FHIT: variants seen among roughly 807,000 people sequenced by gnomAD.
The protein encoded by FHIT is bis(5'-adenosyl)-triphosphatase.
Under a neutral mutation model 17.9 loss-of-function variants are expected in FHIT, and 19 were observed. The observed-to-expected ratio is 1.06, with a 90% confidence interval of 0.74 to 1.56. The LOEUF (loss-of-function observed/expected upper bound fraction) is 1.56. Ranked by LOEUF, FHIT falls within the 40% of genes most tolerant of loss-of-function variation. The probability of loss-of-function intolerance (pLI) is 0.00; values close to 1 mark genes in which losing one functional copy is unlikely to be tolerated. For missense variants in FHIT, 248 were observed against 189.2 expected (o/e 1.31, Z -1.82); for synonymous variants, 81 against 69.7 (o/e 1.16, Z -0.81).
At chr3:60,454,086 T>C (rs1266047684) in intron 5 of FHIT, among the ~76,000 whole-genome samples, 2 of 152,208 alleles carry the variant, frequency 1.3e-5, no homozygotes, top group Non-Finnish European at 2.9e-5. Flanking sequence ...ATGCTGATGA[T>C]GATCATTAAT....
intron 5 of FHIT, among the ~76,000 whole-genome samples, chr3:60,103,648 T>C (rs577792469): frequency 7.9e-5 from 12 of 152,294 alleles, no homozygotes; most frequent in Admixed American, 7.2e-4. Flanking sequence ...CTCTTACCCT[T>C]GTACGGAGAA....
chr3:60,008,772 TG>T (rs1700017502), intron 7 of FHIT, among the ~76,000 whole-genome samples: 1 of 152,224 alleles, frequency 6.6e-6, no homozygotes, highest in Non-Finnish European at 1.5e-5. Context: ...AGGCTTGAAT[TG>T]TAGTATTCAC....
chr3:60,836,777 T>C (rs1169571338), intron 3 of FHIT, among the ~76,000 whole-genome samples: 1 of 152,074 alleles, frequency 6.6e-6, no homozygotes, highest in African/African-American at 2.4e-5. Flanking sequence ...TCACTTTGAT[T>C]TTGGGGGAAG....
At chr3:59,932,058 G>C (rs1174555417) in intron 7 of FHIT, among the ~76,000 whole-genome samples, 1 of 151,890 alleles carries the variant, frequency 6.6e-6, no homozygotes, top group Non-Finnish European at 1.5e-5. Flanking sequence ...TTTTCCTTTT[G>C]GCTTTGAGCT....
At chr3:60,449,846 T>C (rs1199621931) in intron 5 of FHIT, among the ~76,000 whole-genome samples, 1 of 151,080 alleles carries the variant, frequency 6.6e-6, no homozygotes, top group South Asian at 2.1e-4. Context: ...CTACTAAAAA[T>C]ACGAAAATTA....
intron 5 of FHIT, among the ~76,000 whole-genome samples, chr3:60,234,520 T>C (rs1270066666): frequency 6.6e-6 from 1 of 152,238 alleles, no homozygotes; most frequent in Non-Finnish European, 1.5e-5. Context: ...TATGACAGTT[T>C]ATGATTGCTA....
chr3:59,834,441 A>G (rs1701271383), intron 8 of FHIT, among the ~76,000 whole-genome samples: 1 of 152,190 alleles, frequency 6.6e-6, no homozygotes, highest in Non-Finnish European at 1.5e-5. Flanking sequence ...AGAGACAGAC[A>G]GACACTTTGG....
intron 3 of FHIT, among the ~76,000 whole-genome samples, chr3:60,908,979 T>C (rs1706578699): frequency 6.6e-6 from 1 of 152,186 alleles, no homozygotes; most frequent in South Asian, 2.1e-4. Context: ...ATGCTCCAAT[T>C]TTTAATGTAA....
chr3:60,722,303 G>T (rs1364827049), intron 4 of FHIT, among the ~76,000 whole-genome samples: 1 of 152,222 alleles, frequency 6.6e-6, no homozygotes, highest in Non-Finnish European at 1.5e-5. Flanking sequence ...TTATATTGCA[G>T]AATGCATGGA....
chr3:60,551,824 A>G (rs1440030563), intron 4 of FHIT, among the ~76,000 whole-genome samples: 1 of 151,550 alleles, frequency 6.6e-6, no homozygotes, highest in Non-Finnish European at 1.5e-5. Flanking sequence ...TTCTGTTAAG[A>G]CTTTTGAAAA....
intron 4 of FHIT, among the ~76,000 whole-genome samples, chr3:60,710,637 G>T (rs1553704799): frequency 1.3e-5 from 2 of 152,224 alleles, no homozygotes. Context: ...ACCTGGCTCG[G>T]AGGGTCCTAC....
intron 4 of FHIT, among the ~76,000 whole-genome samples, chr3:60,537,264 C>A (rs533626002): frequency 9.9e-5 from 15 of 152,222 alleles, no homozygotes; most frequent in African/African-American, 2.6e-4. Context: ...CTGCACTTCA[C>A]GGTGCCACCT....
intron 2 of FHIT, among the ~76,000 whole-genome samples, chr3:61,184,923 C>T (rs11927024): frequency 0.22 from 33,698 of 152,090 alleles, 4,852 homozygotes; most frequent in East Asian, 0.72. Context: ...CTAGAAAGAA[C>T]GGCACATTTC....
chr3:60,598,696 C>T (rs2038347678), intron 4 of FHIT, among the ~76,000 whole-genome samples: 1 of 152,136 alleles, frequency 6.6e-6, no homozygotes, highest in African/African-American at 2.4e-5. Flanking sequence ...GCAGAAACTT[C>T]TATAGTATGA....
intron 2 of FHIT, among the ~76,000 whole-genome samples, chr3:61,086,017 C>T (rs1198494377): frequency 2.0e-5 from 3 of 152,038 alleles, no homozygotes; most frequent in African/African-American, 7.2e-5. Flanking sequence ...TTGCTAAATT[C>T]ATTTGTTAAA....
At chr3:61,155,359 G>C (rs9875504) in intron 2 of FHIT, among the ~76,000 whole-genome samples, 3 of 151,992 alleles carry the variant, frequency 2.0e-5, no homozygotes, top group African/African-American at 7.2e-5. Context: ...TAAACTGAAG[G>C]AGGTAGATTA....
intron 8 of FHIT, among the ~76,000 whole-genome samples, chr3:59,757,607 G>A (rs1416788901): frequency 1.3e-5 from 2 of 152,174 alleles, no homozygotes; most frequent in Non-Finnish European, 2.9e-5. Context: ...AATTTGGAAC[G>A]AACCTGGAGT....
At chr3:59,926,221 C>T (rs914654191) in intron 7 of FHIT, among the ~76,000 whole-genome samples, 2 of 152,202 alleles carry the variant, frequency 1.3e-5, no homozygotes, top group Non-Finnish European at 2.9e-5. Flanking sequence ...TTCATCTAAT[C>T]CAGCATTCCA....
intron 8 of FHIT, among the ~76,000 whole-genome samples, chr3:59,779,705 C>T (rs1374701727): frequency 1.3e-5 from 2 of 152,152 alleles, no homozygotes; most frequent in Non-Finnish European, 2.9e-5. Context: ...ATCCTCAAGT[C>T]AGTGTCTCTC....
Sources: gnomAD v4.1 joint callset for allele counts (sites outside exome capture counted in the v4.1 genomes callset) on GRCh38, gnomAD v4.1.1 for gene constraint, MANE v1.5 for transcripts, NCBI Gene and HGNC (gene_info 2026-07-23, HGNC 2026-07-21) for gene names.